The following NFAT5 variants were observed in gnomAD, a reference collection of about 807,000 sequenced individuals.
NFAT5 encodes nuclear factor of activated T cells 5, also known as nuclear factor of activated T-cells 5.
Under a neutral mutation model 166.5 loss-of-function variants are expected in NFAT5, and 31 were observed. The ratio of observed to expected loss-of-function variants is 0.19; its 90% CI spans 0.14 to 0.25. The LOEUF is 0.25. Among genes scored for constraint, NFAT5 ranks in the 10% least tolerant of loss-of-function variants. The pLI, the probability that NFAT5 is intolerant of heterozygous loss-of-function variation, is 1.00. For synonymous variants in NFAT5, 612 were observed against 639.7 expected, an observed-to-expected ratio of 0.96 and a Z score of 0.65; for missense variants, 1,449 against 1,821.8, an observed-to-expected ratio of 0.80 and a Z score of 3.72.
rs547343409 is a variant in NFAT5 at position 69,587,371 on chromosome 16, C to T, written c.127+18823C>T. Among the ~76,000 whole-genome samples, 8 of 112,362 alleles carry T rather than the reference C, an allele frequency of 7.1e-5. No homozygotes were observed. The South Asian group carries it at 1.6e-3, about 23-fold the overall frequency. 73.7% of individuals were successfully genotyped at this position (112,362 alleles called of 152,430 possible). ...GATTACAGGTGTGAGCCACCATGCCCGGCCTATTTTTCTTCAATTTCTCTT... is the reference window on the plus strand; with the variant it reads ...GATTACAGGTGTGAGCCACCATGCCTGGCCTATTTTTCTTCAATTTCTCTT... On this transcript the variant is annotated intron_variant, in intron 2 of 14. Transcript: ENST00000349945.
chr16:69,627,636 G>T (rs1284715448), intron 3 of NFAT5, among the ~76,000 whole-genome samples: 1 of 84,366 alleles, frequency 1.2e-5, no homozygotes, highest in Non-Finnish European at 2.3e-5. Context: ...AGGCTGCATA[G>T]TGCATTGCTG....
chr16:69,618,790 G>A (rs536620165), intron 2 of NFAT5, among the ~76,000 whole-genome samples: 2 of 152,212 alleles, frequency 1.3e-5, no homozygotes, highest in South Asian at 4.2e-4. Context: ...AAAATGTTTA[G>A]AAATGGATTT....
At chr16:69,695,762 T>C (rs2151727472) in intron 14 of NFAT5, 1 of 167,372 alleles carries the variant, frequency 6.0e-6, no homozygotes, top group Admixed American at 5.7e-5. Flanking sequence ...GAAATCCGAA[T>C]CTTTTTGAGT....
intron 9 of NFAT5, 135 bp from the exon 10 acceptor site, chr16:69,677,068 C>T: frequency 2.5e-6 from 2 of 810,788 alleles, no homozygotes; most frequent in South Asian, 3.8e-5. Flanking sequence ...TGCCTGTGAA[C>T]CTGAGCTTTA....
chr16:69,695,124 A>G lies in NFAT5; in HGVS notation c.4415-12A>G. ...GTCAGCTTTTAAGCTTCTGTTTTCA[A>G]TGTCTCTGCAGACTGTAGTCAGCTT... is the stretch of plus-strand genomic sequence containing the variant. On this transcript the variant is annotated splice_polypyrimidine_tract_variant and intron_variant, in intron 13 of 14. Transcript: ENST00000349945. The G allele has an allele frequency of 6.3e-7, 1 of 1,597,734 alleles. No homozygotes were observed. The highest frequency in any genetic ancestry group is 8.6e-7 in the Non-Finnish European group (1 of 1,165,768).
intron 3 of NFAT5, among the ~76,000 whole-genome samples, chr16:69,632,937 C>A (rs903211105): frequency 6.6e-6 from 1 of 152,092 alleles, no homozygotes; most frequent in African/African-American, 2.4e-5. Flanking sequence ...AATCTCTACT[C>A]CTCCTTCTAT....
chr16:69,568,180 C>T (rs2016190520), intron 1 of NFAT5, among the ~76,000 whole-genome samples: 1 of 151,952 alleles, frequency 6.6e-6, no homozygotes, highest in African/African-American at 2.4e-5. Flanking sequence ...ATTAGCCGGG[C>T]GTGGTGGTGC....
intron 2 of NFAT5, among the ~76,000 whole-genome samples, chr16:69,623,668 C>T (rs1053651103): frequency 7.9e-5 from 12 of 151,750 alleles, no homozygotes; most frequent in African/African-American, 1.9e-4. Flanking sequence ...CCACCATGTC[C>T]GGCTAATTTT....
At chr16:69,652,756 T>G (rs1567576988) in intron 4 of NFAT5, among the ~76,000 whole-genome samples, 1 of 123,018 alleles carries the variant, frequency 8.1e-6, no homozygotes, top group Non-Finnish European at 1.7e-5. Flanking sequence ...GTTTGTTTTT[T>G]GTTTTCGCTA....
At chr16:69,631,813 T>C (rs1379698426) in intron 3 of NFAT5, among the ~76,000 whole-genome samples, 1 of 152,108 alleles carries the variant, frequency 6.6e-6, no homozygotes, top group Non-Finnish European at 1.5e-5. Context: ...GTTTTTAACA[T>C]GTATAAAGAT....
intron 2 of NFAT5, among the ~76,000 whole-genome samples, chr16:69,602,064 G>A (rs2033158699): frequency 6.6e-6 from 1 of 152,070 alleles, no homozygotes; most frequent in Non-Finnish European, 1.5e-5. Flanking sequence ...TCATTTAGTT[G>A]TATAGCTTTA....
At chr16:69,689,982 A>G (rs547518344) in intron 11 of NFAT5, among the ~76,000 whole-genome samples, 6 of 152,356 alleles carry the variant, frequency 3.9e-5, no homozygotes, top group Admixed American at 6.5e-5. Context: ...TTTAACAGCT[A>G]TGCTTTCTGA....
At chr16:69,653,544 T>C in intron 5 of NFAT5, 116 bp downstream of exon 5, 1 of 660,220 alleles carries the variant, frequency 1.5e-6, no homozygotes, top group South Asian at 3.0e-5. Flanking sequence ...ATTTGATATT[T>C]GAATTAGATT....
chr16:69,598,877 G>A (rs750734577), intron 2 of NFAT5, among the ~76,000 whole-genome samples: 2 of 151,886 alleles, frequency 1.3e-5, no homozygotes, highest in Non-Finnish European at 2.9e-5. Context: ...AGCCGGGCGC[G>A]ATGGTGCGTG....
chr16:69,603,940 A>C (rs1178186128), intron 2 of NFAT5, among the ~76,000 whole-genome samples: 1 of 152,092 alleles, frequency 6.6e-6, no homozygotes, highest in East Asian at 1.9e-4. Context: ...ATTTCCAACA[A>C]CATTAATTTT....
chr16:69,670,903 CAGAGAG>C (rs993584035), intron 9 of NFAT5, among the ~76,000 whole-genome samples: 3 of 151,758 alleles, frequency 2.0e-5, no homozygotes, highest in African/African-American at 7.3e-5. Flanking sequence ...AGAACTGAGA[CAGAGAG>C]AGAAGAGAGA....
intron 2 of NFAT5, among the ~76,000 whole-genome samples, chr16:69,622,707 T>G (rs1196439706): frequency 6.6e-6 from 1 of 152,144 alleles, no homozygotes; most frequent in East Asian, 1.9e-4. Flanking sequence ...ATTAGTAACA[T>G]GCTATTAGTG....
intron 2 of NFAT5, among the ~76,000 whole-genome samples, chr16:69,604,935 G>T (rs1241168913): frequency 6.6e-6 from 1 of 152,122 alleles, no homozygotes; most frequent in East Asian, 1.9e-4. Flanking sequence ...CACAATTTGT[G>T]TTACCTATTC....
intron 3 of NFAT5, among the ~76,000 whole-genome samples, chr16:69,640,784 C>T (rs2035170649): frequency 6.6e-6 from 1 of 151,550 alleles, no homozygotes; most frequent in Non-Finnish European, 1.5e-5. Flanking sequence ...GAGTTCGAGA[C>T]CAGCCTGACC....
Sources: allele counts gnomAD v4.1 joint callset (sites outside exome capture counted in the v4.1 genomes callset), GRCh38; gene constraint gnomAD v4.1.1; transcripts MANE v1.5; gene names NCBI Gene and HGNC (gene_info 2026-07-23, HGNC 2026-07-21).